PLLP: variants seen among roughly 807,000 people sequenced by gnomAD.
PLLP encodes plasma membrane proteolipid (plasmolipin).
PLLP carries 15 observed loss-of-function variants against 19.7 expected under a neutral mutation model. That is an observed-to-expected ratio of 0.76 (90% CI 0.51 to 1.17). PLLP has a LOEUF of 1.17. Among genes scored for constraint, PLLP ranks in the 50% most tolerant of loss-of-function variants. The probability of loss-of-function intolerance (pLI) is 0.00; values close to 1 mark genes in which losing one functional copy is unlikely to be tolerated. For synonymous variants in PLLP, 111 were observed against 116.3 expected (o/e 0.95, Z 0.29); for missense variants, 255 against 258.3 (o/e 0.99, Z 0.09).
chr16:57,284,462 G>A lies in PLLP; in HGVS notation c.79C>T (p.Arg27Cys), dbSNP rs1251277299. The change falls in exon 1 of 4, where the codon CGC (arginine) becomes TGC (cysteine). Residue 27 changes from arginine to cysteine, a missense_variant. Arg to Cys is a radical substitution (Grantham distance 180, BLOSUM62 -3). Transcript: ENST00000219207. ...GAGCGCACGAAGCCCAGGTCCGGGC[G>A]CAGCGCCGACACCGAGGCTTCGGCG... ...QGAEASVSAL[R>C]PDLGFVRSRL... 4.9e-6 allele frequency: 7 copies of A among 1,417,668 alleles called. No individual in the cohort carries two copies. Among genetic ancestry groups the A allele is most frequent in the African/African-American group, 1.5e-5 (1 of 67,574 alleles). The allele number at this position is 1,417,668 out of a possible 1,614,324, so 87.8% of individuals were successfully genotyped here.
chr16:57,275,613 AAAAACACTACAACAAAATTTTGCAAGGC>A (rs1901141278), intron 1 of PLLP, among the ~76,000 whole-genome samples: 1 of 149,070 alleles, frequency 6.7e-6, no homozygotes, highest in African/African-American at 2.5e-5. Context: ...CAAAAAAAAA[AAAAACACTACAACAAAATTTTGCAAGGC>A]AAAAAAAAAA....
At chr16:57,284,262 G>T in intron 1 of PLLP, 144 bp downstream of exon 1, 1 of 729,624 alleles carries the variant, frequency 1.4e-6, no homozygotes, top group Non-Finnish European at 2.0e-6. Flanking sequence ...CGCCCTAGGG[G>T]TACGCGCAGC....
intron 1 of PLLP, among the ~76,000 whole-genome samples, chr16:57,276,005 G>A (rs1901149374): frequency 6.6e-6 from 1 of 152,200 alleles, no homozygotes. Flanking sequence ...CTACTCGGCA[G>A]GCTGAGGTGG....
chr16:57,278,859 T>G (rs1421374568), intron 1 of PLLP, among the ~76,000 whole-genome samples: 2 of 152,134 alleles, frequency 1.3e-5, no homozygotes, highest in Non-Finnish European at 2.9e-5. Flanking sequence ...AGAGTTGGCT[T>G]TCAGTCCCTG....
Position 57,256,693 on chromosome 16 carries a change from G to T in PLLP, c.*220C>A, listed in dbSNP as rs1267413057. ...TCCACTGAATAAGGGGGATGGAGAA[G>T]AGGTCTCAGCAGTTGGCCTCCTGCA... On this transcript the variant is annotated 3_prime_UTR_variant, in exon 4 of 4. Coordinates refer to ENST00000219207, the MANE Select transcript of PLLP (RefSeq NM_015993.3). 7.3e-6 allele frequency: 4 copies of T among 548,442 alleles called. No homozygotes were observed. Among genetic ancestry groups the T allele is most frequent in the Non-Finnish European group, 1.3e-5 (4 of 305,682 alleles). The allele number at this position is 548,442 out of a possible 1,614,324, so 34.0% of individuals were successfully genotyped here.
At chr16:57,282,809 C>A (rs1017341913) in intron 1 of PLLP, among the ~76,000 whole-genome samples, 1 of 152,178 alleles carries the variant, frequency 6.6e-6, no homozygotes, top group East Asian at 1.9e-4. Flanking sequence ...CCTTTCCCTG[C>A]GTCTGCCTCA....
intron 1 of PLLP, 97 bp downstream of exon 1, chr16:57,284,309 A>C: frequency 2.8e-6 from 3 of 1,089,808 alleles, no homozygotes; most frequent in Non-Finnish European, 3.6e-6. Context: ...GGGGAGCGCA[A>C]GGTTCGCGAA....
chr16:57,256,367 G>A lies in PLLP; in HGVS notation c.*546C>T. 3.7e-6 allele frequency: 1 copy of A among 273,246 alleles called. No homozygotes were observed. The highest frequency in any genetic ancestry group is 6.3e-5 in the East Asian group (1 of 15,890). 16.9% of individuals were successfully genotyped at this position (273,246 alleles called of 1,614,324 possible). ...CAGTAACTGGTATGTCTGAAATGCA[G>A]GGAGGGAAGACCATGCTGTCAGCAA... On this transcript the variant is annotated 3_prime_UTR_variant, in exon 4 of 4. Transcript: ENST00000219207.
intron 1 of PLLP, among the ~76,000 whole-genome samples, chr16:57,280,272 T>A (rs1332540821): frequency 6.6e-6 from 1 of 152,132 alleles, no homozygotes; most frequent in African/African-American, 2.4e-5. Flanking sequence ...CTTGGACAAG[T>A]TCCTCACCCT....
At chr16:57,277,571 A>T (rs1298951257) in intron 1 of PLLP, among the ~76,000 whole-genome samples, 1 of 152,238 alleles carries the variant, frequency 6.6e-6, no homozygotes, top group Non-Finnish European at 1.5e-5. Context: ...AGCCTGGGTG[A>T]CAGAGCAAGA....
At chr16:57,270,707 CCT>C (rs1456231387) in intron 1 of PLLP, among the ~76,000 whole-genome samples, 47 of 152,170 alleles carry the variant, frequency 3.1e-4, no homozygotes, top group Non-Finnish European at 5.3e-4. Flanking sequence ...CACACCACCC[CCT>C]GACTGTGTGA....
intron 1 of PLLP, among the ~76,000 whole-genome samples, chr16:57,281,067 G>A (rs1292542116): frequency 6.6e-6 from 1 of 152,156 alleles, no homozygotes; most frequent in Non-Finnish European, 1.5e-5. Flanking sequence ...TGATCCCTCT[G>A]GGAGAAGCAC....
At position 57,284,390 on chromosome 16, in the gene PLLP, C is replaced by G. The variant is rs1451598223; in HGVS notation, c.135+16G>C. On this transcript the variant is annotated intron_variant, in intron 1 of 3. Coordinates refer to ENST00000219207, the MANE Select transcript of PLLP (RefSeq NM_015993.3). ...GGAGCCCCCGGCCAACCCCGTGGGCCCGCGCGTGCTCTCACCAGCTGCAGC... is the reference window on the plus strand; with the variant it reads ...GGAGCCCCCGGCCAACCCCGTGGGCGCGCGCGTGCTCTCACCAGCTGCAGC... The G allele has an allele frequency of 2.2e-6, 3 of 1,376,864 alleles. No homozygotes were observed. The highest frequency in any genetic ancestry group is 2.8e-6 in the Non-Finnish European group (3 of 1,063,122). The allele number at this position is 1,376,864 out of a possible 1,614,324, so 85.3% of individuals were successfully genotyped here.
intron 1 of PLLP, among the ~76,000 whole-genome samples, chr16:57,276,671 A>G (rs927135090): frequency 1.6e-4 from 24 of 151,962 alleles, no homozygotes; most frequent in Admixed American, 1.5e-3. Context: ...CGATTGGGGC[A>G]CATCCAGAAG....
intron 1 of PLLP, among the ~76,000 whole-genome samples, chr16:57,272,984 G>C (rs1220779572): frequency 6.6e-6 from 1 of 151,608 alleles, no homozygotes; most frequent in African/African-American, 2.4e-5. Flanking sequence ...GGGGGTCCAG[G>C]CGCGGTGGCT....
chr16:57,270,185 G>A (rs2075469978), intron 1 of PLLP, among the ~76,000 whole-genome samples: 1 of 148,286 alleles, frequency 6.7e-6, no homozygotes, highest in Non-Finnish European at 1.5e-5. Context: ...CACAGTCCCC[G>A]AGTCTATCCA....
chr16:57,265,926 C>A (rs1175367462), intron 1 of PLLP, among the ~76,000 whole-genome samples: 1 of 152,072 alleles, frequency 6.6e-6, no homozygotes, highest in Non-Finnish European at 1.5e-5. Context: ...ACTTGGGAAG[C>A]TGAGGTGGAG....
In PLLP at chr16:57,284,432, G is replaced by A; in HGVS notation, c.109C>T (p.Leu37Phe). ...RPDLGFVRSRLGALMLLQLVL... is the reference protein window; with the variant it reads ...RPDLGFVRSRFGALMLLQLVL... ...AGCTGCAGCAGCATGAGCGCCCCGA[G>A]GCGGGAGCGCACGAAGCCCAGGTCC... The change falls in exon 1 of 4, where the codon CTC (leucine) becomes TTC (phenylalanine). Residue 37 changes from leucine to phenylalanine, a missense_variant. Leu to Phe is a conservative substitution (Grantham distance 22). Coordinates refer to ENST00000219207, the MANE Select transcript of PLLP (RefSeq NM_015993.3). 7.1e-7 allele frequency: 1 copy of A among 1,405,344 alleles called. No homozygotes were observed. Among genetic ancestry groups the A allele is most frequent in the Non-Finnish European group, 9.3e-7 (1 of 1,077,538 alleles). 87.1% of individuals were successfully genotyped at this position (1,405,344 alleles called of 1,614,324 possible). A position where few individuals can be genotyped will look rare whatever the true frequency, so the allele number is the denominator to read the frequency against.
At chr16:57,258,120 A>C (rs1014826646) in intron 3 of PLLP, among the ~76,000 whole-genome samples, 1 of 152,200 alleles carries the variant, frequency 6.6e-6, no homozygotes, top group Non-Finnish European at 1.5e-5. Flanking sequence ...AGTCCCAGCT[A>C]CTTGGGAGGC....
Sources: allele counts gnomAD v4.1 joint callset (sites outside exome capture counted in the v4.1 genomes callset), GRCh38; gene constraint gnomAD v4.1.1; transcripts MANE v1.5; gene names NCBI Gene and HGNC (gene_info 2026-07-23, HGNC 2026-07-21).